ARMC9: variants seen among roughly 807,000 people sequenced by gnomAD.
ARMC9 encodes armadillo repeat containing 9.
ARMC9 carries 94 observed loss-of-function variants against 107.0 expected under a neutral mutation model. The observed-to-expected ratio is 0.88, with a 90% confidence interval of 0.74 to 1.04. The LOEUF is 1.04. Among genes scored for constraint, ARMC9 ranks in the 50% least tolerant of loss-of-function variants. The pLI, the probability that ARMC9 is intolerant of heterozygous loss-of-function variation, is 0.00. For synonymous variants in ARMC9, 380 were observed against 396.9 expected, an observed-to-expected ratio of 0.96 and a Z score of 0.51; for missense variants, 942 against 1,030.1, an observed-to-expected ratio of 0.91 and a Z score of 1.17.
intron 1 of ARMC9, among the ~76,000 whole-genome samples, chr2:231,200,704 G>T (rs369924723): frequency 4.4e-4 from 67 of 151,964 alleles, no homozygotes; most frequent in African/African-American, 1.5e-3. Flanking sequence ...GCGTCATGGC[G>T]CATGCCTATA....
At chr2:231,333,186 G>T (rs1287382883) in intron 20 of ARMC9, among the ~76,000 whole-genome samples, 1 of 152,204 alleles carries the variant, frequency 6.6e-6, no homozygotes, top group Non-Finnish European at 1.5e-5. Context: ...TTGGTGGTGG[G>T]ACTTCAGGTT....
intron 19 of ARMC9, among the ~76,000 whole-genome samples, chr2:231,311,013 GC>G (rs1223100121): frequency 2.0e-5 from 3 of 152,126 alleles, no homozygotes; most frequent in Admixed American, 2.0e-4. Context: ...TGTAGTCCCA[GC>G]TACTTGGGAG....
chr2:231,199,040 T>A (rs756740759), intron 1 of ARMC9: 2 of 152,204 alleles, frequency 1.3e-5, no homozygotes, highest in Non-Finnish European at 2.9e-5. Context: ...TATCCGGGAT[T>A]TAGATCCCCC....
At chr2:231,295,417 G>A (rs1013593306) in intron 18 of ARMC9, 1 of 152,392 alleles carries the variant, frequency 6.6e-6, no homozygotes, top group Non-Finnish European at 1.5e-5. Flanking sequence ...TGAGCAAGGG[G>A]ATCAGGGAAG....
At chr2:231,211,532 C>CAA (rs879262682) in intron 3 of ARMC9, among the ~76,000 whole-genome samples, 49 of 137,824 alleles carry the variant, frequency 3.6e-4, no homozygotes, top group South Asian at 4.7e-4. Flanking sequence ...GACTTTGTCT[C>CAA]AAAAAAAAAA....
intron 12 of ARMC9, among the ~76,000 whole-genome samples, chr2:231,263,786 C>G (rs1487385526): frequency 1.3e-5 from 2 of 151,932 alleles, no homozygotes; most frequent in African/African-American, 4.8e-5. Context: ...TATTTTCTTG[C>G]TTTTTTTTCC....
intron 23 of ARMC9, 78 bp from the exon 24 acceptor site, chr2:231,369,875 G>T (rs2045950523): frequency 1.5e-6 from 2 of 1,332,196 alleles, no homozygotes; most frequent in African/African-American, 3.0e-5. Context: ...ATTATAGGCG[G>T]GAGCCACCAC....
chr2:231,269,116 A>G (rs1027914349), intron 12 of ARMC9, among the ~76,000 whole-genome samples: 3 of 152,140 alleles, frequency 2.0e-5, no homozygotes, highest in Non-Finnish European at 4.4e-5. Context: ...TATCTTTTGT[A>G]TGTGACCTGT....
intron 9 of ARMC9, among the ~76,000 whole-genome samples, chr2:231,242,347 G>C (rs993925004): frequency 1.2e-4 from 19 of 152,158 alleles, no homozygotes; most frequent in African/African-American, 4.3e-4. Context: ...CTGGCTGTCA[G>C]CTGTTCCACA....
intron 19 of ARMC9, among the ~76,000 whole-genome samples, chr2:231,305,330 C>T (rs1190125327): frequency 6.6e-6 from 1 of 152,212 alleles, no homozygotes; most frequent in Non-Finnish European, 1.5e-5. Flanking sequence ...AATGTCAATG[C>T]ATTTGTTCCA....
At chr2:231,206,321 A>T (rs1225930295) in intron 2 of ARMC9, 32 bp downstream of exon 2, 2 of 1,578,688 alleles carry the variant, frequency 1.3e-6, no homozygotes, top group Admixed American at 3.6e-5. Context: ...GAGGTCACAG[A>T]GAAACAGATC....
chr2:231,240,923 T>C (rs1410010685), intron 9 of ARMC9, among the ~76,000 whole-genome samples: 1 of 152,028 alleles, frequency 6.6e-6, no homozygotes, highest in African/African-American at 2.4e-5. Context: ...TTTTGCTGGG[T>C]GCGGTGGCTC....
intron 21 of ARMC9, among the ~76,000 whole-genome samples, chr2:231,352,414 C>T (rs1383148685): frequency 1.3e-5 from 2 of 151,988 alleles, no homozygotes; most frequent in Non-Finnish European, 2.9e-5. Flanking sequence ...TTTCTCCTGT[C>T]TCAGCCTCCC....
rs201100561 is a variant in ARMC9, at chr2:231,271,025, G to A, written c.1163G>A (p.Arg388Gln). The stretch of plus-strand genomic sequence containing the variant: ...CTGCACTCCACGAGCGACGTGGTGC[G>A]GCAGTACATGGCCAGGCTCATCAAT... ...QLLHSTSDVV[R>Q]QYMARLINAF... is the part of the protein sequence containing the mutation. Residue 388 changes from arginine (R) to glutamine (Q), a missense_variant, in exon 13 of 25, where the codon CGG becomes CAG. Physicochemically the swap from Arg to Gln is conservative, Grantham distance 43 (BLOSUM62 1). Coordinates refer to ENST00000611582, the MANE Select transcript of ARMC9 (RefSeq NM_001352754.2). The A allele has an allele frequency of 3.1e-5, 50 of 1,614,020 alleles. No individual in the cohort carries two copies. The highest frequency in any genetic ancestry group is 5.5e-5 in the South Asian group (5 of 91,088).
chr2:231,282,176 C>A, intron 17 of ARMC9, 43 bp downstream of exon 17: 1 of 1,593,080 alleles, frequency 6.3e-7, no homozygotes, highest in African/African-American at 1.3e-5. Context: ...TCCTTTAGTG[C>A]CACAGTTCAG....
At chr2:231,305,769 G>T (rs906848369) in intron 19 of ARMC9, among the ~76,000 whole-genome samples, 1 of 152,152 alleles carries the variant, frequency 6.6e-6, no homozygotes, top group Non-Finnish European at 1.5e-5. Context: ...AAAAAAAATA[G>T]TAGAGAGGAT....
chr2:231,339,890 G>C (rs964164182), intron 20 of ARMC9, among the ~76,000 whole-genome samples: 1 of 152,188 alleles, frequency 6.6e-6, no homozygotes, highest in African/African-American at 2.4e-5. Flanking sequence ...CCAAAATCAC[G>C]ACATTGCACT....
In ARMC9 at chr2:231,277,609, A is replaced by C. The variant is rs1574917328; in HGVS notation, c.1475-773A>C. ...GAAGTCACGCTCCATTGCCCAGGCT[A>C]GAGGCAGTGGCATGATCTTGGCTCA... On this transcript the variant is annotated intron_variant, in intron 15 of 24. Coordinates refer to ENST00000611582, the MANE Select transcript of ARMC9 (RefSeq NM_001352754.2). Among the ~76,000 whole-genome samples, 3 of 147,752 alleles carry C rather than the reference A, an allele frequency of 2.0e-5. No individual in the cohort carries two copies. In the East Asian group the frequency reaches 5.9e-4, roughly 29 times the overall value.
chr2:231,353,308 TC>T (rs1403398552), intron 21 of ARMC9, among the ~76,000 whole-genome samples: 1 of 125,534 alleles, frequency 8.0e-6, no homozygotes, highest in Non-Finnish European at 1.5e-5. Context: ...TGCCTCAGCT[TC>T]CCGAGTAGTT....
Sources: allele counts gnomAD v4.1 joint callset (sites outside exome capture counted in the v4.1 genomes callset), GRCh38; gene constraint gnomAD v4.1.1; transcripts MANE v1.5; gene names NCBI Gene and HGNC (gene_info 2026-07-23, HGNC 2026-07-21).